Variants in SLC24A2 observed in about 807,000 individuals in gnomAD.
SLC24A2 encodes sodium/potassium/calcium exchanger 2.
In SLC24A2, 36 loss-of-function variants were observed where a neutral mutation model predicts 62.0. The observed-to-expected ratio is 0.58, with a 90% confidence interval of 0.44 to 0.77. SLC24A2 has a LOEUF of 0.77. Among genes scored for constraint, SLC24A2 ranks in the 30% least tolerant of loss-of-function variants. The probability of loss-of-function intolerance (pLI) is 0.00; values close to 1 mark genes in which losing one functional copy is unlikely to be tolerated. For missense variants in SLC24A2, 846 were observed against 817.9 expected (o/e 1.03, Z -0.42); for synonymous variants, 358 against 294.0 (o/e 1.22, Z -2.23).
the SLC24A2 span, among the ~76,000 whole-genome samples, chr9:20,001,902 A>G: frequency 6.6e-6 from 1 of 152,220 alleles, no homozygotes; most frequent in Non-Finnish European, 1.5e-5. Context: ...ATATTCCCAG[A>G]AAAATGTACT....
chr9:19,549,269 A>C (rs777216904), intron 8 of SLC24A2, among the ~76,000 whole-genome samples: 1 of 152,290 alleles, frequency 6.6e-6, no homozygotes, highest in South Asian at 2.1e-4. Context: ...TCTCAGAGAC[A>C]AACGCTGTGG....
the SLC24A2 span, among the ~76,000 whole-genome samples, chr9:19,906,619 G>C: frequency 6.6e-6 from 1 of 152,030 alleles, no homozygotes; most frequent in Non-Finnish European, 1.5e-5. Flanking sequence ...GAATCAAATA[G>C]ACGCAATAAA....
At chr9:19,519,162 T>C (rs900503912) in intron 10 of SLC24A2, among the ~76,000 whole-genome samples, 4 of 152,238 alleles carry the variant, frequency 2.6e-5, no homozygotes, top group Non-Finnish European at 5.9e-5. Context: ...TTTACTAATT[T>C]ATTCATAGAT....
At chr9:19,572,099 C>G (rs144473181) in intron 7 of SLC24A2, among the ~76,000 whole-genome samples, 1 of 149,438 alleles carries the variant, frequency 6.7e-6, no homozygotes, top group Non-Finnish European at 1.5e-5. Context: ...AACCCCATCT[C>G]TACTAAAAAT....
At chr9:19,873,351 TTTCC>T in the SLC24A2 span, among the ~76,000 whole-genome samples, 1 of 151,604 alleles carries the variant, frequency 6.6e-6, no homozygotes, top group Non-Finnish European at 1.5e-5. Context: ...TTTTCCTTTC[TTTCC>T]TTCCTTCTCT....
chr9:20,044,266 G>C, the SLC24A2 span, among the ~76,000 whole-genome samples: 1 of 152,156 alleles, frequency 6.6e-6, no homozygotes, highest in Non-Finnish European at 1.5e-5. Flanking sequence ...TTGGTGACTT[G>C]CTTTATTGTG....
chr9:19,941,954 A>G, the SLC24A2 span, among the ~76,000 whole-genome samples: 1 of 152,192 alleles, frequency 6.6e-6, no homozygotes, highest in Non-Finnish European at 1.5e-5. Flanking sequence ...ATTTCCCTCA[A>G]AAGATAAAAT....
chr9:19,609,037 T>C (rs1837071530), intron 4 of SLC24A2, among the ~76,000 whole-genome samples: 1 of 152,206 alleles, frequency 6.6e-6, no homozygotes, highest in African/African-American at 2.4e-5. Flanking sequence ...CCAGGAACAC[T>C]TCCCTGAAGG....
At position 19,636,028 on chromosome 9, in the gene SLC24A2, T is replaced by C. The variant is rs541750495; in HGVS notation, c.931-13729A>G. Among the ~76,000 whole-genome samples, 3 of 152,342 alleles carry C rather than the reference T, an allele frequency of 2.0e-5. No homozygotes were observed. The East Asian group carries it at 5.8e-4, about 29-fold the overall frequency. On this transcript the variant is annotated intron_variant, in intron 2 of 10. Coordinates refer to ENST00000341998, the MANE Select transcript of SLC24A2 (RefSeq NM_020344.4). Reference sequence around the variant, plus strand: ...TTCGTCCCCATGGTTAGTTATTAAATATATGTAATACAAAGTATCTGTTTT... The same window carrying C: ...TTCGTCCCCATGGTTAGTTATTAAACATATGTAATACAAAGTATCTGTTTT...
At chr9:19,750,576 T>C (rs1243402075) in intron 2 of SLC24A2, among the ~76,000 whole-genome samples, 2 of 152,138 alleles carry the variant, frequency 1.3e-5, no homozygotes, top group Non-Finnish European at 2.9e-5. Flanking sequence ...TGAACTGAGC[T>C]CTGCCCCCGT....
At chr9:20,209,435 C>G in the SLC24A2 span, among the ~76,000 whole-genome samples, 8,128 of 152,154 alleles carry the variant, frequency 0.053, 735 homozygotes, top group African/African-American at 0.18. Context: ...TTCTAAGAAA[C>G]CCCTCTCTAT....
At chr9:19,685,526 G>C (rs949038576) in intron 2 of SLC24A2, among the ~76,000 whole-genome samples, 9 of 152,112 alleles carry the variant, frequency 5.9e-5, no homozygotes, top group African/African-American at 2.2e-4. Context: ...CAAGGCTACA[G>C]TAACCAACAC....
At chr9:20,145,754 G>C in the SLC24A2 span, among the ~76,000 whole-genome samples, 1 of 151,662 alleles carries the variant, frequency 6.6e-6, no homozygotes, top group African/African-American at 2.4e-5. Flanking sequence ...GATTTATTCT[G>C]TGCTTAAATT....
At chr9:19,720,835 T>A (rs4085964) in intron 2 of SLC24A2, among the ~76,000 whole-genome samples, 14,171 of 136,730 alleles carry the variant, frequency 0.1, 721 homozygotes, top group African/African-American at 0.16. Flanking sequence ...ATATGTGGAA[T>A]GATGTGTGTG....
the SLC24A2 span, among the ~76,000 whole-genome samples, chr9:20,160,676 G>C: frequency 6.6e-6 from 1 of 150,978 alleles, no homozygotes; most frequent in African/African-American, 2.4e-5. Flanking sequence ...TGAGCGAAAG[G>C]AAAAATCAGA....
the SLC24A2 span, among the ~76,000 whole-genome samples, chr9:19,880,893 T>G: frequency 6.6e-6 from 1 of 152,176 alleles, no homozygotes; most frequent in Non-Finnish European, 1.5e-5. Flanking sequence ...GGAGGTGTGT[T>G]GTGTAGTGCT....
the SLC24A2 span, among the ~76,000 whole-genome samples, chr9:19,899,363 T>C: frequency 2.1e-4 from 32 of 152,314 alleles, 1 homozygote; most frequent in East Asian, 5.8e-3. Context: ...AGGCACTCAA[T>C]TCTGGCCAAC....
the SLC24A2 span, among the ~76,000 whole-genome samples, chr9:20,158,342 A>G: frequency 3.3e-5 from 5 of 151,816 alleles, no homozygotes; most frequent in East Asian, 9.8e-4. Context: ...AGTTTATGGG[A>G]TTAAGAAGCG....
At position 19,516,372 on chromosome 9, in the gene SLC24A2, G is replaced by C; in HGVS notation, c.1767C>G (p.Val589=). ...GLPLPWLLYT[V]IHRFQPVAVS... ...CAGCCACTGGCTGGAATCTGTGAAT[G>C]ACGGTGTACAGGAGCCAGGGCAGTG... is the stretch of plus-strand genomic sequence containing the variant. The change falls in exon 11 of 11, where the codon GTC becomes GTG. Residue 589 remains valine, a synonymous_variant. Coordinates refer to ENST00000341998, the MANE Select transcript of SLC24A2 (RefSeq NM_020344.4). 1 of 1,614,078 alleles carries C rather than the reference G, an allele frequency of 6.2e-7. No homozygotes were observed. The highest frequency in any genetic ancestry group is 1.1e-5 in the South Asian group (1 of 91,066).
Sources: allele counts gnomAD v4.1 joint callset (sites outside exome capture counted in the v4.1 genomes callset), GRCh38; gene constraint gnomAD v4.1.1; transcripts MANE v1.5; gene names NCBI Gene and HGNC (gene_info 2026-07-23, HGNC 2026-07-21).